DLGAP1: variants seen among roughly 807,000 people sequenced by gnomAD.
The protein encoded by DLGAP1 is DLG associated protein 1, also known as disks large-associated protein 1.
Under a neutral mutation model 90.8 loss-of-function variants are expected in DLGAP1, and 11 were observed. That is an observed-to-expected ratio of 0.12 (90% CI 0.08 to 0.20). DLGAP1 has a LOEUF of 0.20. Ranked by LOEUF, DLGAP1 falls within the 10% of genes least tolerant of loss-of-function variation. The pLI, the probability that DLGAP1 is intolerant of heterozygous loss-of-function variation, is 1.00. For missense variants in DLGAP1, 1,050 were observed against 1,333.8 expected (o/e 0.79, Z 3.31); for synonymous variants, 558 against 540.7 (o/e 1.03, Z -0.44).
chr18:3,806,781 C>T (rs1448470702), intron 5 of DLGAP1, among the ~76,000 whole-genome samples: 2 of 152,172 alleles, frequency 1.3e-5, no homozygotes, highest in Non-Finnish European at 2.9e-5. Flanking sequence ...GTCTTTGTTG[C>T]CAGAAACCTT....
At chr18:4,157,937 G>A (rs956344466) in intron 1 of DLGAP1, among the ~76,000 whole-genome samples, 9 of 152,126 alleles carry the variant, frequency 5.9e-5, no homozygotes, top group African/African-American at 2.2e-4. Context: ...GGAGCCTATT[G>A]CATCCTTTCT....
chr18:3,637,390 A>G (rs941244837), intron 7 of DLGAP1, among the ~76,000 whole-genome samples: 1 of 151,988 alleles, frequency 6.6e-6, no homozygotes, highest in African/African-American at 2.4e-5. Flanking sequence ...AAGGAGACAC[A>G]CTTCGCTCCT....
chr18:3,826,386 G>A (rs769451222), intron 4 of DLGAP1, among the ~76,000 whole-genome samples: 5 of 152,188 alleles, frequency 3.3e-5, no homozygotes, highest in African/African-American at 4.8e-5. Context: ...AAGCAGGAAA[G>A]GGGGAAGACT....
At chr18:3,982,260 T>A (rs2073747304) in intron 3 of DLGAP1, among the ~76,000 whole-genome samples, 1 of 152,126 alleles carries the variant, frequency 6.6e-6, no homozygotes, top group Non-Finnish European at 1.5e-5. Flanking sequence ...CAGGTTTTGT[T>A]GTCATTAAAA....
chr18:3,629,532 C>A (rs958846643), intron 7 of DLGAP1, among the ~76,000 whole-genome samples: 1 of 151,750 alleles, frequency 6.6e-6, no homozygotes, highest in East Asian at 1.9e-4. Flanking sequence ...ATTAGCCGGG[C>A]GTGTTGGTGG....
intron 10 of DLGAP1, among the ~76,000 whole-genome samples, chr18:3,511,505 C>T (rs2050542698): frequency 1.3e-5 from 2 of 151,132 alleles, no homozygotes; most frequent in Admixed American, 6.6e-5. Context: ...AGAAGCATCT[C>T]GATGTTGTTT....
chr18:4,314,656 C>G (rs1380869026), intron 1 of DLGAP1, among the ~76,000 whole-genome samples: 1 of 152,202 alleles, frequency 6.6e-6, no homozygotes, highest in Non-Finnish European at 1.5e-5. Flanking sequence ...TCCCCAACAC[C>G]TAGGCCAGTG....
intron 1 of DLGAP1, among the ~76,000 whole-genome samples, chr18:4,166,502 C>T (rs1308569798): frequency 6.6e-6 from 1 of 152,140 alleles, no homozygotes; most frequent in African/African-American, 2.4e-5. Flanking sequence ...AAGGTCGTTC[C>T]TCAACAAATT....
chr18:3,742,189 C>T, intron 6 of DLGAP1, 146 bp downstream of exon 6: 1 of 1,046,328 alleles, frequency 9.6e-7, no homozygotes, highest in South Asian at 1.7e-5. Flanking sequence ...ATGGCATGCT[C>T]TTTGCAGCAC....
At chr18:4,387,399 G>A (rs1360200896) in intron 1 of DLGAP1, among the ~76,000 whole-genome samples, 1 of 152,180 alleles carries the variant, frequency 6.6e-6, no homozygotes, top group Non-Finnish European at 1.5e-5. Context: ...ACCAGACGAT[G>A]ATTTTAAAAT....
At position 4,008,916 on chromosome 18, in the gene DLGAP1, G is replaced by T. The variant is rs368322065; in HGVS notation, c.-158-3715C>A. On this transcript the variant is annotated intron_variant, in intron 2 of 12. Coordinates refer to ENST00000315677, the MANE Select transcript of DLGAP1 (RefSeq NM_004746.4). ...TGACAGCCACCGAGTCTCTCTCTTT[G>T]TTTTTGAAACGGAGTCTCGCTCCGT... Among the ~76,000 whole-genome samples the T allele has an allele frequency of 3.1e-4, 47 of 151,626 alleles. 2 individuals are homozygous for T. In the South Asian group the frequency reaches 4.0e-3, roughly 13 times the overall value.
At chr18:4,276,868 T>C (rs115319987) in intron 1 of DLGAP1, among the ~76,000 whole-genome samples, 4,182 of 152,304 alleles carry the variant, frequency 0.027, 129 homozygotes, top group African/African-American at 0.076. Context: ...TATCAGTAAG[T>C]ATAAATAGAA....
intron 11 of DLGAP1, among the ~76,000 whole-genome samples, chr18:3,507,321 T>TAAGAC: frequency 6.7e-6 from 1 of 148,284 alleles, no homozygotes; most frequent in African/African-American, 2.5e-5. Flanking sequence ...CCGTCTCTAC[T>TAAGAC]AAAACAAAAC....
intron 1 of DLGAP1, among the ~76,000 whole-genome samples, chr18:4,265,495 CCTTTTT>C (rs2079093807): frequency 6.7e-6 from 1 of 149,054 alleles, no homozygotes; most frequent in African/African-American, 2.5e-5. Context: ...CCTTTCCTTT[CCTTTTT>C]CTTTGTTTCT....
intron 4 of DLGAP1, among the ~76,000 whole-genome samples, chr18:3,829,342 C>T (rs1019001422): frequency 5.9e-5 from 9 of 151,666 alleles, no homozygotes; most frequent in South Asian, 2.1e-4. Context: ...GTTTAAATAA[C>T]GGTTAAGTTC....
chr18:3,851,519 T>C (rs1028194308), intron 4 of DLGAP1, among the ~76,000 whole-genome samples: 13 of 152,180 alleles, frequency 8.5e-5, no homozygotes, highest in African/African-American at 3.1e-4. Flanking sequence ...TACAGGAACA[T>C]TCTTTTGATT....
intron 2 of DLGAP1, among the ~76,000 whole-genome samples, chr18:4,032,935 C>T (rs2074822719): frequency 6.6e-6 from 1 of 152,078 alleles, no homozygotes; most frequent in Non-Finnish European, 1.5e-5. Context: ...TAAGTAAATA[C>T]ACATTGAATT....
chr18:3,765,551 T>G (rs2064201068), intron 5 of DLGAP1, among the ~76,000 whole-genome samples: 1 of 151,518 alleles, frequency 6.6e-6, no homozygotes, highest in Admixed American at 6.6e-5. Context: ...CAAAGAGATA[T>G]ACTCGGGCAC....
chr18:3,502,960 A>G (rs1357544531), intron 11 of DLGAP1, among the ~76,000 whole-genome samples: 2 of 152,108 alleles, frequency 1.3e-5, no homozygotes, highest in African/African-American at 4.8e-5. Context: ...GTATTTTAAA[A>G]CACCATATTC....
Sources: allele counts gnomAD v4.1 joint callset (sites outside exome capture counted in the v4.1 genomes callset), GRCh38; gene constraint gnomAD v4.1.1; transcripts MANE v1.5; gene names NCBI Gene and HGNC (gene_info 2026-07-23, HGNC 2026-07-21).